PCDH15: variants seen among roughly 807,000 people sequenced by gnomAD.
PCDH15 encodes protocadherin related 15.
In PCDH15, 129 loss-of-function variants were observed where a neutral mutation model predicts 178.5. That is an observed-to-expected ratio of 0.72 (90% CI 0.63 to 0.84). The LOEUF (loss-of-function observed/expected upper bound fraction) is 0.84. PCDH15 is among the 40% of genes least tolerant of loss of function. PCDH15 has a pLI of 0.00. For missense variants in PCDH15, 2,230 were observed against 2,099.9 expected, an observed-to-expected ratio of 1.06 and a Z score of -1.21; for synonymous variants, 800 against 732.0, an observed-to-expected ratio of 1.09 and a Z score of -1.50.
chr10:54,107,345 T>C (rs1238847662), intron 15 of PCDH15, among the ~76,000 whole-genome samples: 1 of 152,228 alleles, frequency 6.6e-6, no homozygotes, highest in Non-Finnish European at 1.5e-5. Flanking sequence ...TCTTCTTGAA[T>C]AAGTAATTTC....
intron 2 of PCDH15, among the ~76,000 whole-genome samples, chr10:55,501,907 A>C (rs1010360615): frequency 6.6e-6 from 1 of 151,766 alleles, no homozygotes; most frequent in African/African-American, 2.4e-5. Flanking sequence ...ACATTAATGA[A>C]AAAACAATCT....
rs760300692 is a variant in PCDH15 at position 54,020,375 on chromosome 10, T to G, written c.2568A>C (p.Ile856=). ...AAAAGTGCTTCACTTCTGGGCTTCT[T>G]ATCCGGTAAGACACATTTGCTCCAA... is the stretch of plus-strand genomic sequence containing the variant. ...VDLGANVSYR[I]RSPEVKHFFA... is the part of the protein sequence containing the mutation. The change falls in exon 20 of 38, where the codon ATA becomes ATC. Residue 856 remains isoleucine, a synonymous_variant. Transcript: ENST00000644397. 1.2e-6 allele frequency: 2 copies of G among 1,613,852 alleles called. No homozygotes were observed. Among genetic ancestry groups the G allele is most frequent in the South Asian group, 2.2e-5 (2 of 91,082 alleles).
In PCDH15 at chr10:54,432,738, AG is replaced by A. The variant is rs569100665; in HGVS notation, c.158-53797del. 1.5e-3 allele frequency among the ~76,000 whole-genome samples: 233 copies of A among 152,302 alleles called. 1 individual carries two copies. The highest frequency in any genetic ancestry group is 5.5e-3 in the African/African-American group (227 of 41,572). ...AAAATGGAAACATGAAATCACATCA[AG>A]TTAAAAATCTTCTGCACAGCAAAGG... On this transcript the variant is annotated intron_variant, in intron 3 of 37. Coordinates refer to ENST00000644397, the MANE Select transcript of PCDH15 (RefSeq NM_001384140.1).
chr10:54,982,969 C>T (rs1336405425), intron 2 of PCDH15, among the ~76,000 whole-genome samples: 1 of 151,864 alleles, frequency 6.6e-6, no homozygotes, highest in Non-Finnish European at 1.5e-5. Context: ...GTAATTTGAC[C>T]CCCCAAAATA....
At chr10:54,449,116 G>C (rs1484897757) in intron 3 of PCDH15, among the ~76,000 whole-genome samples, 1 of 151,546 alleles carries the variant, frequency 6.6e-6, no homozygotes, top group Non-Finnish European at 1.5e-5. Context: ...TGAACTATTG[G>C]GGCTGAGGGT....
intron 11 of PCDH15, among the ~76,000 whole-genome samples, chr10:54,185,565 TCTTA>T (rs765344884): frequency 3.9e-4 from 60 of 152,170 alleles, no homozygotes; most frequent in Non-Finnish European, 7.8e-4. Flanking sequence ...TTAAATATAT[TCTTA>T]CTGATTATTT....
chr10:54,864,182 T>G (rs1242287041), intron 3 of PCDH15, among the ~76,000 whole-genome samples: 1 of 152,148 alleles, frequency 6.6e-6, no homozygotes, highest in Non-Finnish European at 1.5e-5. Context: ...GCATATATGG[T>G]GTAAACACAT....
chr10:54,634,826 T>C (rs1015173766), intron 2 of PCDH15, among the ~76,000 whole-genome samples: 49 of 152,012 alleles, frequency 3.2e-4, no homozygotes, highest in African/African-American at 1.2e-3. Flanking sequence ...CTGCTGCTTA[T>C]TCTTATCCAT....
At chr10:53,888,701 A>ATATATC (rs1201972068) in intron 26 of PCDH15, among the ~76,000 whole-genome samples, 14 of 26,806 alleles carry the variant, frequency 5.2e-4, no homozygotes, top group African/African-American at 5.7e-4. Context: ...ATATATATAT[A>ATATATC]TATCTCCTGT....
intron 8 of PCDH15, among the ~76,000 whole-genome samples, chr10:54,244,255 A>G (rs1021152918): frequency 6.6e-6 from 1 of 152,098 alleles, no homozygotes; most frequent in Non-Finnish European, 1.5e-5. Context: ...GCATTTCAGT[A>G]TCCTCTCAAT....
intron 16 of PCDH15, among the ~76,000 whole-genome samples, chr10:54,082,800 G>A (rs554999451): frequency 5.3e-5 from 8 of 150,224 alleles, no homozygotes; most frequent in South Asian, 2.1e-4. Flanking sequence ...GGACATTATC[G>A]AGAAAGTAAA....
chr10:53,828,541 G>A (rs763254402), intron 31 of PCDH15, 24 bp downstream of exon 31: 1 of 1,537,712 alleles, frequency 6.5e-7, no homozygotes, highest in South Asian at 1.1e-5. Flanking sequence ...TGAAAAGGAT[G>A]TGTAAAATGT....
chr10:54,897,975 C>G lies in PCDH15; in HGVS notation c.-79-475G>C, dbSNP rs542691517. On this transcript the variant is annotated intron_variant, in intron 2 of 5. Transcript: ENST00000458638. ...CTGTATAATATAGTTTGGATATCCC[C>G]TCCAAATCTCATGTTGAGACGTAAT... Among the ~76,000 whole-genome samples, 96 of 152,228 alleles carry G rather than the reference C, an allele frequency of 6.3e-4. 1 individual carries two copies. The highest frequency in any genetic ancestry group is 1.2e-3 in the Non-Finnish European group (80 of 68,006).
intron 8 of PCDH15, among the ~76,000 whole-genome samples, chr10:54,301,784 G>C (rs2060163642): frequency 6.6e-6 from 1 of 152,132 alleles, no homozygotes; most frequent in South Asian, 2.1e-4. Context: ...TGGGGATGAA[G>C]GTAATTGAGA....
chr10:55,491,041 A>G (rs1421413793), intron 2 of PCDH15, among the ~76,000 whole-genome samples: 1 of 151,800 alleles, frequency 6.6e-6, no homozygotes, highest in Admixed American at 6.6e-5. Context: ...CTAAGACCAT[A>G]TAGCATATGG....
At chr10:54,568,385 AATACATATCACTACCTG>A (rs1458539367) in intron 2 of PCDH15, among the ~76,000 whole-genome samples, 2 of 152,090 alleles carry the variant, frequency 1.3e-5, no homozygotes, top group Non-Finnish European at 2.9e-5. Context: ...TTTTGTACAT[AATACATATCACTACCTG>A]ATATATTACA....
chr10:55,107,112 T>C (rs1837368809), intron 2 of PCDH15, among the ~76,000 whole-genome samples: 1 of 152,232 alleles, frequency 6.6e-6, no homozygotes, highest in Admixed American at 6.5e-5. Context: ...AGTCCACCTC[T>C]TGAAATATAT....
Position 53,823,275 on chromosome 10 carries a change from G to C in PCDH15, c.4368-3045C>G. 1 of 1,613,890 alleles carries C rather than the reference G, an allele frequency of 6.2e-7. No homozygotes were observed. Among genetic ancestry groups the C allele is most frequent in the African/African-American group, 1.3e-5 (1 of 75,000 alleles). On this transcript the variant is annotated intron_variant, in intron 32 of 37. Coordinates refer to ENST00000644397, the MANE Select transcript of PCDH15 (RefSeq NM_001384140.1). ...AGCCTCAATAGTATTGGAAGAAAAG[G>C]GCATCACAACTTGTTGATGTTTCCT...
chr10:54,797,086 C>T (rs531406250), intron 1 of PCDH15, among the ~76,000 whole-genome samples: 11 of 152,094 alleles, frequency 7.2e-5, no homozygotes, highest in South Asian at 6.2e-4. Context: ...TGTCCTCCCC[C>T]GGTCAGGAAA....
Sources: gnomAD v4.1 joint callset for allele counts (sites outside exome capture counted in the v4.1 genomes callset) on GRCh38, gnomAD v4.1.1 for gene constraint, MANE v1.5 for transcripts, NCBI Gene and HGNC (gene_info 2026-07-23, HGNC 2026-07-21) for gene names.